The following DLG2 variants were observed in gnomAD, a reference collection of about 807,000 sequenced individuals.
DLG2 encodes the protein disks large homolog 2.
In DLG2, 45 loss-of-function variants were observed where a neutral mutation model predicts 132.5. The ratio of observed to expected loss-of-function variants is 0.34; its 90% CI spans 0.27 to 0.44. The LOEUF is 0.44. DLG2 is among the 20% of genes least tolerant of loss of function. The pLI is 1.00. For synonymous variants in DLG2, 424 were observed against 419.6 expected (o/e 1.01, Z -0.13); for missense variants, 1,045 against 1,196.9 (o/e 0.87, Z 1.87).
At chr11:83,542,754 C>T (rs2096117456) in intron 19 of DLG2, among the ~76,000 whole-genome samples, 2 of 152,100 alleles carry the variant, frequency 1.3e-5, no homozygotes, top group South Asian at 2.1e-4. Context: ...ACATTTGCCA[C>T]CACTCCTATA....
chr11:84,255,373 G>T (rs2097451251), intron 7 of DLG2, among the ~76,000 whole-genome samples: 1 of 152,042 alleles, frequency 6.6e-6, no homozygotes, highest in African/African-American at 2.4e-5. Flanking sequence ...ACCCAGGCTG[G>T]AGTACAGTGG....
intron 3 of DLG2, among the ~76,000 whole-genome samples, chr11:85,522,701 A>G (rs1314396331): frequency 6.6e-6 from 1 of 152,204 alleles, no homozygotes; most frequent in Non-Finnish European, 1.5e-5. Flanking sequence ...GTGGAACTTT[A>G]AGGTTCAATG....
Position 83,836,690 on chromosome 11 carries a change from C to T in DLG2, c.1566-2920G>A, listed in dbSNP as rs1275127492. Among the ~76,000 whole-genome samples, 4 of 152,138 alleles carry T rather than the reference C, an allele frequency of 2.6e-5. No individual in the cohort carries two copies. In the East Asian group the frequency reaches 7.7e-4, roughly 29 times the overall value. On this transcript the variant is annotated intron_variant, in intron 16 of 27. Coordinates refer to ENST00000376104, the MANE Select transcript of DLG2 (RefSeq NM_001142699.3). ...ACACCAGGAGGTAGATATCATGGGT[C>T]CCTCTTAGAACTCTGCCTACCACTA... is the stretch of plus-strand genomic sequence containing the variant.
chr11:85,428,111 A>G (rs1025042377), intron 3 of DLG2, among the ~76,000 whole-genome samples: 1 of 152,242 alleles, frequency 6.6e-6, no homozygotes, highest in Non-Finnish European at 1.5e-5. Flanking sequence ...ATACAGGAGC[A>G]CCCAGATTCA....
intron 3 of DLG2, among the ~76,000 whole-genome samples, chr11:85,402,036 C>T (rs1489606990): frequency 6.6e-6 from 1 of 152,064 alleles, no homozygotes; most frequent in Non-Finnish European, 1.5e-5. Context: ...ATAGCTAAGA[C>T]AATCCTAAAC....
chr11:84,304,935 A>G (rs2098198526), intron 7 of DLG2, among the ~76,000 whole-genome samples: 1 of 152,220 alleles, frequency 6.6e-6, no homozygotes, highest in Non-Finnish European at 1.5e-5. Context: ...TTTCCATTTG[A>G]TAATGTTTTG....
intron 6 of DLG2, among the ~76,000 whole-genome samples, chr11:84,911,178 G>T (rs568851052): frequency 4.9e-4 from 74 of 152,118 alleles, no homozygotes; most frequent in African/African-American, 1.7e-3. Flanking sequence ...TTAATACTTT[G>T]TTGTTTTAAG....
intron 10 of DLG2, among the ~76,000 whole-genome samples, chr11:84,098,661 C>T (rs904833677): frequency 6.6e-6 from 1 of 152,126 alleles, no homozygotes; most frequent in Admixed American, 6.6e-5. Flanking sequence ...AAGGCCTCAT[C>T]CAAACAAAAG....
chr11:84,656,501 A>G (rs1023294534), intron 6 of DLG2, among the ~76,000 whole-genome samples: 2 of 152,214 alleles, frequency 1.3e-5, no homozygotes, highest in Non-Finnish European at 2.9e-5. Flanking sequence ...TAAGTTAAAT[A>G]TAGTAGCAGG....
chr11:85,155,068 G>A (rs2077504031), intron 4 of DLG2, among the ~76,000 whole-genome samples: 1 of 152,194 alleles, frequency 6.6e-6, no homozygotes, highest in South Asian at 2.1e-4. Flanking sequence ...GACTGCCTTT[G>A]CTTTGGGCTG....
At chr11:83,710,720 G>A (rs2085216604) in intron 18 of DLG2, among the ~76,000 whole-genome samples, 1 of 152,094 alleles carries the variant, frequency 6.6e-6, no homozygotes, top group South Asian at 2.1e-4. Context: ...GACATTTAGG[G>A]TTTAGTCTTG....
intron 18 of DLG2, among the ~76,000 whole-genome samples, chr11:83,753,949 T>A (rs1484729406): frequency 1.4e-5 from 2 of 143,974 alleles, no homozygotes; most frequent in African/African-American, 5.3e-5. Flanking sequence ...TAGCTTTAAA[T>A]TATCGAATTA....
intron 5 of DLG2, among the ~76,000 whole-genome samples, chr11:85,144,171 T>C (rs938464268): frequency 6.6e-6 from 1 of 151,864 alleles, no homozygotes. Flanking sequence ...CCTTTATCAT[T>C]ATATAATGTC....
At chr11:84,254,347 T>G (rs929285929) in intron 7 of DLG2, among the ~76,000 whole-genome samples, 14 of 152,214 alleles carry the variant, frequency 9.2e-5, no homozygotes, top group Admixed American at 2.0e-4. Context: ...TATTTTTCAT[T>G]TTTTAATGTA....
chr11:85,321,426 G>C (rs181247396), intron 3 of DLG2, among the ~76,000 whole-genome samples: 1 of 151,966 alleles, frequency 6.6e-6, no homozygotes, highest in South Asian at 2.1e-4. Flanking sequence ...AAATTTAGAA[G>C]TTGGAATTAT....
chr11:85,024,404 C>T (rs1029196555), intron 6 of DLG2, among the ~76,000 whole-genome samples: 1 of 152,122 alleles, frequency 6.6e-6, no homozygotes, highest in Non-Finnish European at 1.5e-5. Context: ...CTAATTACTG[C>T]TAGAGTAACA....
At chr11:84,453,032 G>A (rs908111723) in intron 7 of DLG2, among the ~76,000 whole-genome samples, 11 of 150,856 alleles carry the variant, frequency 7.3e-5, no homozygotes, top group South Asian at 2.1e-4. Flanking sequence ...ATTATCACAC[G>A]TACCCCAAAA....
At chr11:84,204,221 T>A (rs2096636093) in intron 8 of DLG2, among the ~76,000 whole-genome samples, 1 of 152,176 alleles carries the variant, frequency 6.6e-6, no homozygotes, top group South Asian at 2.1e-4. Context: ...CCTCCCAAAG[T>A]GCTGGGATTA....
intron 11 of DLG2, among the ~76,000 whole-genome samples, chr11:84,021,840 C>T (rs563074633): frequency 5.3e-5 from 8 of 151,906 alleles, no homozygotes; most frequent in East Asian, 3.9e-4. Context: ...CTCCGCCTAC[C>T]GGGTTCAAGC....
Sources: allele counts gnomAD v4.1 joint callset (sites outside exome capture counted in the v4.1 genomes callset), GRCh38; gene constraint gnomAD v4.1.1; transcripts MANE v1.5; gene names NCBI Gene and HGNC (gene_info 2026-07-23, HGNC 2026-07-21).